H2BC18: variants seen among roughly 807,000 people sequenced by gnomAD.
H2BC18 encodes the protein H2B clustered histone 18.
H2BC18 carries 8 observed loss-of-function variants against 6.3 expected under a neutral mutation model. That is an observed-to-expected ratio of 1.28 (90% confidence interval 0.75 to 2.31). The LOEUF (loss-of-function observed/expected upper bound fraction) is 2.31. H2BC18 is among the 30% of genes most tolerant of loss of function. The pLI, the probability that H2BC18 is intolerant of heterozygous loss-of-function variation, is 0.00. For synonymous variants in H2BC18, 104 were observed against 78.1 expected, an observed-to-expected ratio of 1.33 and a Z score of -1.75; for missense variants, 106 against 174.5, an observed-to-expected ratio of 0.61 and a Z score of 2.21.
chr1:149,804,104 TGCTA>T (rs1292281278), intron 1 of H2BC18: 85 of 152,336 alleles, frequency 5.6e-4, no homozygotes, highest in African/African-American at 2.0e-3. Context: ...TTTTTCTCTA[TGCTA>T]GCTAATAGTT....
In H2BC18 at chr1:149,812,232, T is replaced by C. The variant is rs2091986208; in HGVS notation, c.92A>G (p.Lys31Arg). The C allele has an allele frequency of 5.0e-6, 8 of 1,614,280 alleles. No individual in the cohort carries two copies. The Middle Eastern group carries it at 8.2e-4, about 166-fold the overall frequency. ...GGAGTAGCTCTCCTTGCGGCTGCGC[T>C]TGCGCTTCTTGCCGTCCTTCTTCTG... Reference protein sequence around the residue: ...KVQKKDGKKRKRSRKESYSVY... With the variant: ...KVQKKDGKKRRRSRKESYSVY... The change falls in exon 1 of 1, where the codon AAG becomes AGG. Residue 31 changes from lysine to arginine, a missense_variant. Physicochemically the swap from Lys to Arg is conservative, Grantham distance 26. This residue lies in a region of H2BC18 where 70 missense variants were observed against 64.6 expected (regional missense o/e 1.08). Transcript: ENST00000369167.
intron 1 of H2BC18, among the ~76,000 whole-genome samples, chr1:149,803,386 C>A (rs1435552375): frequency 6.6e-6 from 1 of 152,164 alleles, no homozygotes; most frequent in African/African-American, 2.4e-5. Flanking sequence ...TGGTAATTTG[C>A]AGTTATTGTC....
chr1:149,812,239 T>TA lies in H2BC18; in HGVS notation c.84_85insT (p.Lys29Ter). ...CTCTCCTTGCGGCTGCGCTTGCGCT[T>TA]CTTGCCGTCCTTCTTCTGCACTTTC... On this transcript the variant is annotated frameshift_variant, in exon 1 of 1. Transcript: ENST00000369167. LOFTEE classifies it high-confidence loss of function. 1.2e-6 allele frequency: 2 copies of TA among 1,614,290 alleles called. No individual in the cohort carries two copies. The highest frequency in any genetic ancestry group is 1.7e-6 in the Non-Finnish European group (2 of 1,180,050).
At chr1:149,805,944 C>G (rs2091913005) in intron 1 of H2BC18, among the ~76,000 whole-genome samples, 1 of 152,012 alleles carries the variant, frequency 6.6e-6, no homozygotes, top group South Asian at 2.1e-4. Context: ...CTGCCATCCT[C>G]ATCACAGGGC....
intron 1 of H2BC18, chr1:149,788,470 T>C: frequency 2.5e-6 from 4 of 1,613,746 alleles, no homozygotes; most frequent in Non-Finnish European, 3.4e-6. Context: ...TGTGCTTTAC[T>C]ATCGAAATGG....
intron 1 of H2BC18, among the ~76,000 whole-genome samples, chr1:149,801,439 A>T (rs1401556998): frequency 1.3e-5 from 2 of 148,984 alleles, no homozygotes; most frequent in African/African-American, 5.0e-5. Context: ...GGACTTCCCT[A>T]CGATCACCAA....
intron 1 of H2BC18, among the ~76,000 whole-genome samples, chr1:149,804,258 A>G (rs2091897846): frequency 6.6e-6 from 1 of 152,098 alleles, no homozygotes; most frequent in Non-Finnish European, 1.5e-5. Context: ...GACATGAAGT[A>G]TTAAAAGCAT....
At chr1:149,793,841 G>A in intron 1 of H2BC18, 1 of 1,243,902 alleles carries the variant, frequency 8.0e-7, no homozygotes, top group Non-Finnish European at 1.0e-6. Context: ...AGCCTGAGAA[G>A]TAATCCCCAA....
At chr1:149,784,718 A>G (rs1553750633) in intron 1 of H2BC18, among the ~76,000 whole-genome samples, 1 of 148,160 alleles carries the variant, frequency 6.7e-6, no homozygotes, top group Non-Finnish European at 1.5e-5. Flanking sequence ...ATATATATAT[A>G]TACACACATA....
chr1:149,798,618 T>A (rs1191036212), intron 1 of H2BC18, among the ~76,000 whole-genome samples: 2 of 139,654 alleles, frequency 1.4e-5, no homozygotes. Context: ...AAACCGACTT[T>A]AAAAAAAAAA....
At chr1:149,792,820 C>G in intron 1 of H2BC18, 1 of 1,278,836 alleles carries the variant, frequency 7.8e-7, no homozygotes, top group Non-Finnish European at 1.0e-6. Flanking sequence ...TGGGCAGCAA[C>G]GGCGGCAGGC....
At chr1:149,793,327 C>A (rs1402541713) in intron 1 of H2BC18, 1 of 1,150,170 alleles carries the variant, frequency 8.7e-7, no homozygotes, top group Non-Finnish European at 1.1e-6. Context: ...CTGGTTCCCT[C>A]ACCGTCAAAA....
intron 1 of H2BC18, among the ~76,000 whole-genome samples, chr1:149,785,056 C>T (rs1401311786): frequency 3.3e-5 from 5 of 152,292 alleles, no homozygotes; most frequent in Non-Finnish European, 7.3e-5. Flanking sequence ...CAGAAAAGCC[C>T]ACCACCCACT....
intron 1 of H2BC18, chr1:149,784,254 A>G (rs781836297): frequency 1.9e-6 from 3 of 1,611,134 alleles, no homozygotes; most frequent in Non-Finnish European, 2.5e-6. Flanking sequence ...GGAAATCCAC[A>G]GAGGTAATTA....
At chr1:149,807,153 A>G (rs1440077372), downstream of H2BC18, among the ~76,000 whole-genome samples, 1 of 152,140 alleles carries the variant, frequency 6.6e-6, no homozygotes, top group African/African-American at 2.4e-5. Context: ...TTGAGCCAAG[A>G]GGATTGTCTG....
chr1:149,793,152 G>A, intron 1 of H2BC18: 3 of 1,279,058 alleles, frequency 2.3e-6, no homozygotes, highest in Non-Finnish European at 3.0e-6. Context: ...CGGAGAGGAG[G>A]ATTGGTAGAT....
At chr1:149,803,529 T>TC (rs1553753579) in intron 1 of H2BC18, 1 of 152,072 alleles carries the variant, frequency 6.6e-6, no homozygotes, top group Non-Finnish European at 1.5e-5. Flanking sequence ...TATCTCTCTC[T>TC]CCCCCTCTCT....
In H2BC18 at chr1:149,793,064, C is replaced by G. The variant is rs1243729536; in HGVS notation, c.378-9804G>C. 20 of 1,264,832 alleles carry G rather than the reference C, an allele frequency of 1.6e-5. No homozygotes were observed. The African/African-American group carries it at 2.9e-4, about 18-fold the overall frequency. The allele number at this position is 1,264,832 out of a possible 1,614,324, so 78.4% of individuals were successfully genotyped here. On this transcript the variant is annotated intron_variant, in intron 1 of 1. Coordinates refer to the H2BC18 transcript ENST00000545683. ...CGGGCCCCGGCGCGGCGCCACCTGGCGGCCGTCTGTGGAGGTTGCAGCTGC... is the reference window on the plus strand; with the variant it reads ...CGGGCCCCGGCGCGGCGCCACCTGGGGGCCGTCTGTGGAGGTTGCAGCTGC...
In H2BC18 at chr1:149,812,282, G is replaced by A. The variant is rs587631740; in HGVS notation, c.42C>T (p.Gly14=). The A allele has an allele frequency of 3.2e-4, 515 of 1,614,220 alleles. 9 individuals are homozygous for A. In the South Asian group the frequency reaches 5.3e-3, roughly 17 times the overall value. ...GCACTTTCGTAACAGCCTTTTTGGA[G>A]CCCTTCTTGGGAGCAGGAGCGGATT... ...PAKSAPAPKK[G]SKKAVTKVQK... Residue 14 remains glycine (G), a synonymous_variant, in exon 1 of 1, where the codon GGC becomes GGT. Coordinates refer to ENST00000369167, the MANE Select transcript of H2BC18 (RefSeq NM_001024599.5).
Sources: allele counts gnomAD v4.1 joint callset (sites outside exome capture counted in the v4.1 genomes callset), GRCh38; gene constraint gnomAD v4.1.1; regional missense constraint gnomAD v4.1.1; transcripts MANE v1.5; gene names NCBI Gene and HGNC (gene_info 2026-07-23, HGNC 2026-07-21).